Variants in THEMIS observed in about 807,000 individuals in gnomAD.
THEMIS encodes the protein thymocyte selection associated.
In THEMIS, 37 loss-of-function variants were observed where a neutral mutation model predicts 52.6. The observed-to-expected ratio is 0.70, with a 90% CI of 0.54 to 0.93. The LOEUF (loss-of-function observed/expected upper bound fraction) is 0.93, where lower values mean the gene tolerates loss of function less well. Among genes scored for constraint, THEMIS ranks in the 40% least tolerant of loss-of-function variants. THEMIS has a pLI of 0.00. For missense variants in THEMIS, 808 were observed against 763.1 expected, an observed-to-expected ratio of 1.06 and a Z score of -0.69; for synonymous variants, 292 against 272.7, an observed-to-expected ratio of 1.07 and a Z score of -0.70.
At chr6:127,736,405 G>T (rs898746585) in intron 4 of THEMIS, among the ~76,000 whole-genome samples, 5 of 152,096 alleles carry the variant, frequency 3.3e-5, no homozygotes, top group African/African-American at 1.2e-4. Flanking sequence ...ACTTTGAAGG[G>T]AGTGAAATTT....
At chr6:127,834,180 C>A (rs1484514806) in intron 2 of THEMIS, among the ~76,000 whole-genome samples, 1 of 151,970 alleles carries the variant, frequency 6.6e-6, no homozygotes, top group Non-Finnish European at 1.5e-5. Context: ...TTTGGGAGGG[C>A]AGAACATATG....
intron 1 of THEMIS, among the ~76,000 whole-genome samples, chr6:127,917,216 C>T (rs150033549): frequency 3.7e-4 from 57 of 152,294 alleles, no homozygotes; most frequent in African/African-American, 1.2e-3. Context: ...TGGTCCTCAA[C>T]ACAACCTGAG....
intron 1 of THEMIS, among the ~76,000 whole-genome samples, chr6:127,880,239 T>C (rs1268571914): frequency 6.6e-6 from 1 of 152,080 alleles, no homozygotes; most frequent in Non-Finnish European, 1.5e-5. Flanking sequence ...CTCATTTGTC[T>C]AAAGTTAAAA....
intron 4 of THEMIS, among the ~76,000 whole-genome samples, chr6:127,733,979 G>C (rs1445644): frequency 0.31 from 47,617 of 151,992 alleles, 8,943 homozygotes; most frequent in Non-Finnish European, 0.44. Flanking sequence ...TGCATGAGTG[G>C]CTGTATGTAA....
intron 1 of THEMIS, among the ~76,000 whole-genome samples, chr6:127,868,944 C>T (rs531000738): frequency 7.2e-5 from 11 of 152,140 alleles, no homozygotes; most frequent in Non-Finnish European, 1.2e-4. Flanking sequence ...TATTGGTGAG[C>T]AAATGATGTT....
At chr6:127,713,836 G>A (rs1242583704) in intron 5 of THEMIS, among the ~76,000 whole-genome samples, 1 of 151,874 alleles carries the variant, frequency 6.6e-6, no homozygotes, top group African/African-American at 2.4e-5. Context: ...GGAGGATATT[G>A]AGGAGAGGAG....
intron 1 of THEMIS, among the ~76,000 whole-genome samples, chr6:127,859,792 C>A (rs1424178857): frequency 6.6e-6 from 1 of 152,036 alleles, no homozygotes; most frequent in East Asian, 1.9e-4. Context: ...GCTCATGTGA[C>A]CATCTGAGAT....
At chr6:127,780,251 G>C (rs1776699285) in intron 4 of THEMIS, among the ~76,000 whole-genome samples, 2 of 151,940 alleles carry the variant, frequency 1.3e-5, no homozygotes, top group African/African-American at 4.8e-5. Context: ...CTCTTTGCTT[G>C]GTAAATATTC....
chr6:127,884,125 C>G (rs181799961), intron 1 of THEMIS, among the ~76,000 whole-genome samples: 1 of 152,208 alleles, frequency 6.6e-6, no homozygotes, highest in East Asian at 1.9e-4. Context: ...CAACAAACTA[C>G]CCTACACTCT....
chr6:127,779,320 T>C (rs970749237), intron 4 of THEMIS, among the ~76,000 whole-genome samples: 3 of 152,224 alleles, frequency 2.0e-5, no homozygotes, highest in African/African-American at 7.2e-5. Context: ...CCCTTTAACA[T>C]CACAACCTCC....
chr6:127,800,275 T>A (rs1777488546), intron 4 of THEMIS, among the ~76,000 whole-genome samples: 1 of 152,148 alleles, frequency 6.6e-6, no homozygotes. Context: ...TTTAATATAT[T>A]TCCTTTGTTC....
chr6:127,838,364 T>C (rs1583335305), intron 2 of THEMIS, among the ~76,000 whole-genome samples: 1 of 152,228 alleles, frequency 6.6e-6, no homozygotes, highest in South Asian at 2.1e-4. Context: ...TACACAATTA[T>C]AAACCATTTG....
chr6:127,742,816 G>C (rs987867465), intron 4 of THEMIS, among the ~76,000 whole-genome samples: 3 of 152,002 alleles, frequency 2.0e-5, no homozygotes. Flanking sequence ...ATTTTAGTTT[G>C]GGAAGATAAA....
chr6:127,725,604 T>A (rs1390224067), intron 4 of THEMIS, among the ~76,000 whole-genome samples: 1 of 152,142 alleles, frequency 6.6e-6, no homozygotes, highest in Non-Finnish European at 1.5e-5. Context: ...GGCAAATATT[T>A]TTTTAAAAAG....
At chr6:127,803,056 C>A (rs1777587975) in intron 4 of THEMIS, among the ~76,000 whole-genome samples, 1 of 152,176 alleles carries the variant, frequency 6.6e-6, no homozygotes, top group South Asian at 2.1e-4. Flanking sequence ...ACATCCTACA[C>A]CTACCATATG....
intron 2 of THEMIS, among the ~76,000 whole-genome samples, chr6:127,832,801 T>TTTTTTTA (rs869101109): frequency 7.8e-6 from 1 of 127,486 alleles, no homozygotes; most frequent in Non-Finnish European, 1.7e-5. Flanking sequence ...TTTTTTTTTT[T>TTTTTTTA]GAGATGGAGT....
intron 4 of THEMIS, among the ~76,000 whole-genome samples, chr6:127,749,046 T>C (rs1775546240): frequency 6.6e-6 from 1 of 152,090 alleles, no homozygotes; most frequent in African/African-American, 2.4e-5. Context: ...TAGTTTAACA[T>C]TCCACAATTC....
At chr6:127,805,760 G>T (rs1356256633) in intron 4 of THEMIS, among the ~76,000 whole-genome samples, 1 of 152,054 alleles carries the variant, frequency 6.6e-6, no homozygotes, top group African/African-American at 2.4e-5. Context: ...TGGTTAACTT[G>T]CAAGGAACTG....
At chr6:127,742,292 G>A (rs1000467324) in intron 4 of THEMIS, among the ~76,000 whole-genome samples, 1 of 145,184 alleles carries the variant, frequency 6.9e-6, no homozygotes, top group African/African-American at 2.6e-5. Context: ...TCCAGCCTGA[G>A]TGACAGAGTG....
Sources: gnomAD v4.1 joint callset for allele counts (sites outside exome capture counted in the v4.1 genomes callset) on GRCh38, gnomAD v4.1.1 for gene constraint, MANE v1.5 for transcripts, NCBI Gene and HGNC (gene_info 2026-07-23, HGNC 2026-07-21) for gene names.